Variants in NR3C2 observed in about 807,000 individuals in gnomAD.
NR3C2 encodes nuclear receptor subfamily 3 group C member 2, also known as mineralocorticoid receptor.
Under a neutral mutation model 86.4 loss-of-function variants are expected in NR3C2, and 15 were observed. The ratio of observed to expected loss-of-function variants is 0.17; its 90% confidence interval spans 0.12 to 0.27. NR3C2 has a LOEUF of 0.27. Ranked by LOEUF, NR3C2 falls within the 10% of genes least tolerant of loss-of-function variation. The pLI is 1.00. For missense variants in NR3C2, 960 were observed against 1,195.6 expected (o/e 0.80, Z 2.91); for synonymous variants, 458 against 450.5 (o/e 1.02, Z -0.21).
chr4:148,178,932 T>TAAAAAAAAAAAAAAA, intron 4 of NR3C2, among the ~76,000 whole-genome samples: 1 of 95,306 alleles, frequency 1.0e-5, no homozygotes, highest in African/African-American at 3.6e-5. Flanking sequence ...AAGAAGCAGG[T>TAAAAAAAAAAAAAAA]AAAAAAAAAA....
chr4:148,312,901 C>T (rs771267707), intron 2 of NR3C2, among the ~76,000 whole-genome samples: 8 of 152,052 alleles, frequency 5.3e-5, no homozygotes, highest in Non-Finnish European at 1.0e-4. Context: ...TTAAATATTA[C>T]CAAAGAAAAA....
chr4:148,349,296 T>C (rs1023025176), intron 2 of NR3C2, among the ~76,000 whole-genome samples: 18 of 151,880 alleles, frequency 1.2e-4, no homozygotes, highest in African/African-American at 4.4e-4. Context: ...GTCACAAGAG[T>C]CCCTTTTTGT....
At chr4:148,345,873 G>T (rs1744964421) in intron 2 of NR3C2, among the ~76,000 whole-genome samples, 1 of 152,074 alleles carries the variant, frequency 6.6e-6, no homozygotes, top group African/African-American at 2.4e-5. Flanking sequence ...CTTCTCAGAG[G>T]TTATAGCCCA....
At chr4:148,152,643 T>A in intron 5 of NR3C2, 30 bp from the exon 6 acceptor site, 1 of 1,611,198 alleles carries the variant, frequency 6.2e-7, no homozygotes, top group Non-Finnish European at 8.5e-7. Context: ...ATCACAGAAA[T>A]ACACTTAGCA....
intron 2 of NR3C2, among the ~76,000 whole-genome samples, chr4:148,426,171 C>T (rs1365372293): frequency 6.6e-6 from 1 of 152,182 alleles, no homozygotes; most frequent in African/African-American, 2.4e-5. Context: ...AGCAAATATA[C>T]TCCCAAGAGT....
chr4:148,322,874 G>C (rs200266082), intron 2 of NR3C2, among the ~76,000 whole-genome samples: 32,088 of 74,946 alleles, frequency 0.43, 7,592 homozygotes, highest in East Asian at 0.68. Flanking sequence ...CTTCTTCTCT[G>C]AGCTCGTCAA....
chr4:148,284,870 C>T (rs571166560), intron 2 of NR3C2, among the ~76,000 whole-genome samples: 1 of 152,278 alleles, frequency 6.6e-6, no homozygotes, highest in South Asian at 2.1e-4. Flanking sequence ...TTTACTCAGT[C>T]CTACAAAAAA....
At chr4:148,286,813 T>A (rs190967757) in intron 2 of NR3C2, among the ~76,000 whole-genome samples, 1 of 152,272 alleles carries the variant, frequency 6.6e-6, no homozygotes, top group African/African-American at 2.4e-5. Flanking sequence ...CTGAACACAA[T>A]AACAGCAAAA....
chr4:148,324,782 A>AGATTTGTACATATTTAAG (rs1172152399), intron 2 of NR3C2, among the ~76,000 whole-genome samples: 2 of 152,192 alleles, frequency 1.3e-5, no homozygotes, highest in Non-Finnish European at 2.9e-5. Flanking sequence ...TCATATCTTA[A>AGATTTGTACATATTTAAG]ATATGTACAA....
chr4:148,216,791 C>T (rs1737561475), intron 3 of NR3C2, among the ~76,000 whole-genome samples: 1 of 152,140 alleles, frequency 6.6e-6, no homozygotes, highest in African/African-American at 2.4e-5. Context: ...TGATAAACAA[C>T]TTATTTATCT....
chr4:148,292,982 T>G lies in NR3C2; in HGVS notation c.1758-32865A>C, dbSNP rs1741868379. Reference sequence around the variant, plus strand: ...CACAGAGATGATATTGAGTAATAGCTGCACAGAACACTACAATACTTAGAG... The same window carrying G: ...CACAGAGATGATATTGAGTAATAGCGGCACAGAACACTACAATACTTAGAG... On this transcript the variant is annotated intron_variant, in intron 2 of 8. Coordinates refer to ENST00000358102, the MANE Select transcript of NR3C2 (RefSeq NM_000901.5). Among the ~76,000 whole-genome samples the G allele has an allele frequency of 2.0e-5, 3 of 152,200 alleles. No homozygotes were observed. The South Asian group carries it at 6.2e-4, about 32-fold the overall frequency.
At chr4:148,346,281 G>C (rs1167328740) in intron 2 of NR3C2, among the ~76,000 whole-genome samples, 4 of 152,104 alleles carry the variant, frequency 2.6e-5, no homozygotes, top group African/African-American at 9.7e-5. Flanking sequence ...AGAGCAGTTA[G>C]GAGGCTATCA....
intron 3 of NR3C2, among the ~76,000 whole-genome samples, chr4:148,249,882 C>T (rs914103619): frequency 3.3e-5 from 5 of 152,182 alleles, no homozygotes; most frequent in Non-Finnish European, 7.3e-5. Flanking sequence ...GAGTTGTGAG[C>T]TCCGTTCTTT....
intron 3 of NR3C2, among the ~76,000 whole-genome samples, chr4:148,195,565 G>T (rs1736402373): frequency 6.6e-6 from 1 of 152,146 alleles, no homozygotes; most frequent in Non-Finnish European, 1.5e-5. Flanking sequence ...AATAGACAAG[G>T]TAATTAGATA....
chr4:148,296,106 G>A (rs1438397835), intron 2 of NR3C2, among the ~76,000 whole-genome samples: 1 of 146,200 alleles, frequency 6.8e-6, no homozygotes, highest in East Asian at 2.0e-4. Flanking sequence ...CAGACCAAGA[G>A]TGAACTTAGG....
At chr4:148,427,582 T>C (rs1040121514) in intron 2 of NR3C2, among the ~76,000 whole-genome samples, 4 of 150,600 alleles carry the variant, frequency 2.7e-5, no homozygotes, top group Non-Finnish European at 5.9e-5. Context: ...CCCAGCAGGG[T>C]GAGGACAGCC....
chr4:148,304,896 T>G (rs1305910238), intron 2 of NR3C2, among the ~76,000 whole-genome samples: 1 of 129,082 alleles, frequency 7.7e-6, no homozygotes, highest in Non-Finnish European at 1.5e-5. Flanking sequence ...GGCAGGACCC[T>G]TTTTTTTTTT....
At chr4:148,290,044 A>T (rs989126039) in intron 2 of NR3C2, among the ~76,000 whole-genome samples, 6 of 152,146 alleles carry the variant, frequency 3.9e-5, no homozygotes, top group African/African-American at 1.4e-4. Flanking sequence ...AAACTACCAC[A>T]GGCTGGGTGG....
chr4:148,443,131 C>G (rs1453385827), upstream of NR3C2, among the ~76,000 whole-genome samples: 2 of 146,286 alleles, frequency 1.4e-5, no homozygotes, highest in African/African-American at 5.1e-5. Context: ...GCAAGACGAT[C>G]ACGTTCACTC....
Sources: gnomAD v4.1 joint callset for allele counts (sites outside exome capture counted in the v4.1 genomes callset) on GRCh38, gnomAD v4.1.1 for gene constraint, MANE v1.5 for transcripts, NCBI Gene and HGNC (gene_info 2026-07-23, HGNC 2026-07-21) for gene names.